The following SEZ6L variants were observed in gnomAD, a reference collection of about 807,000 sequenced individuals.
SEZ6L encodes the protein seizure related 6 homolog like.
A neutral mutation model predicts 106.2 loss-of-function variants in SEZ6L; 37 were observed. The observed-to-expected ratio is 0.35, with a 90% CI of 0.27 to 0.46. SEZ6L has a LOEUF of 0.46. Among genes scored for constraint, SEZ6L ranks in the 20% least tolerant of loss-of-function variants. SEZ6L has a pLI of 1.00. For missense variants in SEZ6L, 1,172 were observed against 1,332.8 expected (o/e 0.88, Z 1.88); for synonymous variants, 541 against 570.4 (o/e 0.95, Z 0.73).
In SEZ6L at chr22:26,380,306, A is replaced by G; in HGVS notation, c.*11A>G. The stretch of plus-strand genomic sequence containing the variant: ...GAGGTTTCTATCTAAAGAGAGCTAC[A>G]CTTGAGAAGGGGACTTGTGAACTCA... On this transcript the variant is annotated 3_prime_UTR_variant, in exon 17 of 17. Transcript: ENST00000248933. The G allele has an allele frequency of 6.2e-7, 1 of 1,612,028 alleles. No individual in the cohort carries two copies. Among genetic ancestry groups the G allele is most frequent in the Non-Finnish European group, 8.5e-7 (1 of 1,178,146 alleles).
rs767852439 is a variant in SEZ6L, at chr22:26,382,166, C to A, written c.*1871C>A. ...ATAGCTAAAGGCTGCTTTCCAGGAC[C>A]CAAAGCCCCATTTAATGCAAGAACC... On this transcript the variant is annotated 3_prime_UTR_variant, in exon 17 of 17. Coordinates refer to ENST00000248933, the MANE Select transcript of SEZ6L (RefSeq NM_021115.5). 2 of 410,330 alleles carry A rather than the reference C, an allele frequency of 4.9e-6. No individual in the cohort carries two copies. The highest frequency in any genetic ancestry group is 9.7e-6 in the Non-Finnish European group (2 of 206,010). The allele number at this position is 410,330 out of a possible 1,614,324, so 25.4% of individuals were successfully genotyped here.
At chr22:26,189,766 C>G (rs1021164764) in intron 1 of SEZ6L, among the ~76,000 whole-genome samples, 4 of 152,044 alleles carry the variant, frequency 2.6e-5, no homozygotes, top group African/African-American at 9.7e-5. Context: ...TACTGGCAGA[C>G]GACTGTAATA....
chr22:26,382,506 AG>A lies in SEZ6L; in HGVS notation c.*2213del, dbSNP rs1273425023. 1.3e-5 allele frequency: 2 copies of A among 152,434 alleles called. No homozygotes were observed. The highest frequency in any genetic ancestry group is 2.4e-5 in the African/African-American group (1 of 41,450). The allele number at this position is 152,434 out of a possible 1,614,324, so 9.4% of individuals were successfully genotyped here. A position where few individuals can be genotyped will look rare whatever the true frequency, so the allele number is the denominator to read the frequency against. On this transcript the variant is annotated 3_prime_UTR_variant, in exon 17 of 17. Coordinates refer to ENST00000248933, the MANE Select transcript of SEZ6L (RefSeq NM_021115.5). The stretch of plus-strand genomic sequence containing the variant: ...TTATTGACTATTGGAAAGATAGAAA[AG>A]GCGTTGTGTTTTTTGTTTTTTTGTT...
chr22:26,182,148 G>A (rs182272383), intron 1 of SEZ6L, among the ~76,000 whole-genome samples: 254 of 152,300 alleles, frequency 1.7e-3, no homozygotes, highest in South Asian at 0.011. Flanking sequence ...CATGTCGAAT[G>A]AATAAATGCT....
chr22:26,283,358 A>G (rs1156745171), intron 1 of SEZ6L, among the ~76,000 whole-genome samples: 2 of 152,216 alleles, frequency 1.3e-5, no homozygotes, highest in Non-Finnish European at 2.9e-5. Flanking sequence ...AGACTGGTTC[A>G]GTGAGGTATA....
chr22:26,260,301 C>T (rs745999571), intron 1 of SEZ6L, among the ~76,000 whole-genome samples: 24 of 152,104 alleles, frequency 1.6e-4, no homozygotes, highest in African/African-American at 3.1e-4. Flanking sequence ...CCACTATTTC[C>T]CCTGAGTCCC....
intron 1 of SEZ6L, among the ~76,000 whole-genome samples, chr22:26,191,472 AACT>A (rs1940203942): frequency 6.6e-6 from 1 of 152,104 alleles, no homozygotes. Flanking sequence ...ATCCTCAGCA[AACT>A]AATGCAGAAA....
intron 1 of SEZ6L, among the ~76,000 whole-genome samples, chr22:26,280,993 C>T (rs191738281): frequency 1.6e-4 from 24 of 152,218 alleles, no homozygotes; most frequent in African/African-American, 5.8e-4. Flanking sequence ...CAATAGATCC[C>T]TTGAACTTAT....
chr22:26,252,685 T>A (rs564354459), intron 1 of SEZ6L, among the ~76,000 whole-genome samples: 53 of 152,252 alleles, frequency 3.5e-4, no homozygotes, highest in Non-Finnish European at 6.5e-4. Flanking sequence ...GGCTTTCTGT[T>A]CCTGAGTTAA....
At chr22:26,208,850 CTG>C (rs35483380) in intron 1 of SEZ6L, among the ~76,000 whole-genome samples, 7,499 of 111,060 alleles carry the variant, frequency 0.068, 180 homozygotes, top group East Asian at 0.13. Context: ...GACTCTCTCT[CTG>C]TGTGTGTGTG....
At chr22:26,297,598 G>A (rs985717256) in intron 4 of SEZ6L, among the ~76,000 whole-genome samples, 8 of 152,138 alleles carry the variant, frequency 5.3e-5, no homozygotes, top group South Asian at 2.1e-4. Flanking sequence ...TCCACTGTGC[G>A]TCCACAGACT....
chr22:26,222,677 G>A (rs1569394970), intron 1 of SEZ6L, among the ~76,000 whole-genome samples: 2 of 152,082 alleles, frequency 1.3e-5, no homozygotes, highest in Admixed American at 1.3e-4. Context: ...GAAAAACCGG[G>A]GGGAACGCCC....
intron 9 of SEZ6L, among the ~76,000 whole-genome samples, chr22:26,337,924 C>A (rs144306370): frequency 4.7e-4 from 71 of 152,250 alleles, no homozygotes; most frequent in African/African-American, 1.7e-3. Flanking sequence ...CCCTGCCCTC[C>A]CAGAAGCAAA....
rs184240845 is a variant in SEZ6L at position 26,201,413 on chromosome 22, T to C, written c.94+31650T>C. 5.6e-5 allele frequency among the ~76,000 whole-genome samples: 8 copies of C among 143,488 alleles called. No individual in the cohort carries two copies. In the East Asian group the frequency reaches 1.4e-3, roughly 26 times the overall value. The allele number at this position is 143,488 out of a possible 152,430, so 94.1% of individuals were successfully genotyped here. On this transcript the variant is annotated intron_variant, in intron 1 of 16. Transcript: ENST00000248933. The stretch of plus-strand genomic sequence containing the variant: ...AAAAAAAAAAAAAAAAAGAGGAAAT[T>C]TGCCGGGTATGGTGGCTTGTGCCTG...
chr22:26,285,548 T>A (rs1234207611), intron 1 of SEZ6L, among the ~76,000 whole-genome samples: 3 of 152,178 alleles, frequency 2.0e-5, no homozygotes, highest in Non-Finnish European at 2.9e-5. Context: ...CATCTGGCAG[T>A]GTTTGGAATC....
chr22:26,308,980 T>C (rs1182060697), intron 6 of SEZ6L, among the ~76,000 whole-genome samples: 1 of 152,156 alleles, frequency 6.6e-6, no homozygotes, highest in East Asian at 1.9e-4. Context: ...GAATGCCCCC[T>C]GGACTCTACC....
intron 1 of SEZ6L, among the ~76,000 whole-genome samples, chr22:26,246,334 C>T (rs960732103): frequency 2.6e-5 from 4 of 152,172 alleles, no homozygotes; most frequent in African/African-American, 7.2e-5. Flanking sequence ...AACCCTAACC[C>T]TAACCCAACC....
chr22:26,177,020 A>G (rs1249187746), intron 1 of SEZ6L, among the ~76,000 whole-genome samples: 6 of 152,234 alleles, frequency 3.9e-5, no homozygotes, highest in African/African-American at 1.2e-4. Context: ...TTACTCATTC[A>G]TATGCCCCTT....
rs115210037 is a variant in SEZ6L, at chr22:26,288,937, G to T, written c.95-3469G>T. On this transcript the variant is annotated intron_variant, in intron 1 of 16. Transcript: ENST00000248933. ...ACCCAAAAAAAAACCCCCAACATCC[G>T]CCAGTGTTGGGATTTAGCAGTCACC... Among the ~76,000 whole-genome samples the T allele has an allele frequency of 6.2e-3, 949 of 152,210 alleles. 10 individuals carry two copies. The highest frequency in any genetic ancestry group is 0.022 in the African/African-American group (896 of 41,540).
Sources: gnomAD v4.1 joint callset for allele counts (sites outside exome capture counted in the v4.1 genomes callset) on GRCh38, gnomAD v4.1.1 for gene constraint, MANE v1.5 for transcripts, NCBI Gene and HGNC (gene_info 2026-07-23, HGNC 2026-07-21) for gene names.